The following OSBPL8 variants were observed in gnomAD, a reference collection of about 807,000 sequenced individuals.
OSBPL8 encodes oxysterol binding protein like 8, also known as oxysterol-binding protein-related protein 8.
Under a neutral mutation model 125.5 loss-of-function variants are expected in OSBPL8, and 59 were observed. The ratio of observed to expected loss-of-function variants is 0.47; its 90% CI spans 0.38 to 0.58. OSBPL8 has a LOEUF of 0.58. Ranked by LOEUF, OSBPL8 falls within the 20% of genes least tolerant of loss-of-function variation. The probability of loss-of-function intolerance (pLI) is 0.00; values close to 1 mark genes in which losing one functional copy is unlikely to be tolerated. For synonymous variants in OSBPL8, 330 were observed against 338.9 expected, an observed-to-expected ratio of 0.97 and a Z score of 0.29; for missense variants, 758 against 1,047.8, an observed-to-expected ratio of 0.72 and a Z score of 3.82.
intron 1 of OSBPL8, among the ~76,000 whole-genome samples, chr12:76,543,288 C>G (rs1950695361): frequency 6.6e-6 from 1 of 152,066 alleles, no homozygotes; most frequent in Admixed American, 6.6e-5. Context: ...TAAAAAGGTC[C>G]TAGAGGCATT....
chr12:76,394,747 C>A lies in OSBPL8; in HGVS notation c.673-18G>T. ...TTTGGACCCTTAATAACAAAATAAA[C>A]AAAATAAATGGTATAGAGTAATTAT... On this transcript the variant is annotated intron_variant, in intron 8 of 23. Transcript: ENST00000261183. 1 of 1,566,088 alleles carries A rather than the reference C, an allele frequency of 6.4e-7. No homozygotes were observed. The highest frequency in any genetic ancestry group is 8.8e-7 in the Non-Finnish European group (1 of 1,142,138).
intron 21 of OSBPL8, among the ~76,000 whole-genome samples, chr12:76,362,476 T>G (rs1463191766): frequency 6.6e-6 from 1 of 152,164 alleles, no homozygotes; most frequent in African/African-American, 2.4e-5. Flanking sequence ...TTAATAAAAT[T>G]CAACACCCTT....
chr12:76,416,190 T>C (rs1868641967), intron 4 of OSBPL8, among the ~76,000 whole-genome samples: 1 of 152,102 alleles, frequency 6.6e-6, no homozygotes, highest in Non-Finnish European at 1.5e-5. Context: ...TTTAGAAATA[T>C]ATTTTTGAAT....
At chr12:76,506,824 T>C (rs1431375619) in intron 1 of OSBPL8, among the ~76,000 whole-genome samples, 1 of 152,132 alleles carries the variant, frequency 6.6e-6, no homozygotes, top group Non-Finnish European at 1.5e-5. Context: ...GTCAAAAACA[T>C]TTAAATGATA....
intron 1 of OSBPL8, among the ~76,000 whole-genome samples, chr12:76,548,467 A>G (rs1592900901): frequency 6.6e-6 from 1 of 152,196 alleles, no homozygotes; most frequent in African/African-American, 2.4e-5. Flanking sequence ...AGGGACAGCT[A>G]TATCTCCCAT....
chr12:76,545,679 A>G (rs1229598421), intron 1 of OSBPL8, among the ~76,000 whole-genome samples: 6 of 152,216 alleles, frequency 3.9e-5, no homozygotes, highest in African/African-American at 1.4e-4. Flanking sequence ...TTGAATTCTA[A>G]GTATAAATTA....
At chr12:76,373,248 T>C in intron 18 of OSBPL8, 96 bp downstream of exon 18, 2 of 769,584 alleles carry the variant, frequency 2.6e-6, no homozygotes, top group Non-Finnish European at 2.0e-6. Flanking sequence ...AATAGTGATG[T>C]TTTCAGCAAC....
chr12:76,483,477 CTGCT>C (rs1877768076), intron 2 of OSBPL8, among the ~76,000 whole-genome samples: 1 of 147,862 alleles, frequency 6.8e-6, no homozygotes, highest in South Asian at 2.2e-4. Context: ...GGCAGGCAAA[CTGCT>C]TGAATCAGGG....
chr12:76,481,897 G>T (rs985645273), intron 2 of OSBPL8, among the ~76,000 whole-genome samples: 1 of 152,140 alleles, frequency 6.6e-6, no homozygotes, highest in East Asian at 1.9e-4. Flanking sequence ...CTTAGAATAC[G>T]ATTTAAGGCT....
At chr12:76,406,717 G>A (rs1954276414) in intron 5 of OSBPL8, among the ~76,000 whole-genome samples, 1 of 152,132 alleles carries the variant, frequency 6.6e-6, no homozygotes, top group African/African-American at 2.4e-5. Flanking sequence ...CTGGGCTCAA[G>A]TGATCCTCCC....
intron 1 of OSBPL8, among the ~76,000 whole-genome samples, chr12:76,513,837 G>T (rs563626004): frequency 9.5e-4 from 143 of 150,818 alleles, no homozygotes; most frequent in Middle Eastern, 3.4e-3. Flanking sequence ...TACATGTGAG[G>T]TGAGTCTTTT....
chr12:76,423,662 C>A (rs182594977), intron 4 of OSBPL8, among the ~76,000 whole-genome samples: 1 of 152,252 alleles, frequency 6.6e-6, no homozygotes, highest in East Asian at 1.9e-4. Context: ...CCAAAGAATT[C>A]TCTCCCAATT....
At chr12:76,418,163 G>A (rs750797802) in intron 4 of OSBPL8, among the ~76,000 whole-genome samples, 4 of 151,662 alleles carry the variant, frequency 2.6e-5, no homozygotes, top group African/African-American at 4.8e-5. Flanking sequence ...ACACCACCAC[G>A]TCCAGCTCAT....
At chr12:76,450,764 T>A in intron 4 of OSBPL8, 87 bp downstream of exon 4, 1 of 1,330,508 alleles carries the variant, frequency 7.5e-7, no homozygotes. Context: ...AAAAAAAATA[T>A]GATAGTCCCC....
In OSBPL8 at chr12:76,479,880, T is replaced by C. The variant is rs1592756221; in HGVS notation, c.42+7630A>G. Among the ~76,000 whole-genome samples, 3 of 152,144 alleles carry C rather than the reference T, an allele frequency of 2.0e-5. 1 individual carries two copies. The South Asian group carries it at 6.2e-4, about 32-fold the overall frequency. On this transcript the variant is annotated intron_variant, in intron 2 of 23. Transcript: ENST00000261183. ...ACAACAACCTACTATAAAAAGAATA[T>C]GAGAGGCCGGGCGCGGTGGCTCATG... is the stretch of plus-strand genomic sequence containing the variant.
chr12:76,363,096 G>T (rs972206525), intron 21 of OSBPL8, among the ~76,000 whole-genome samples: 3 of 152,154 alleles, frequency 2.0e-5, no homozygotes, highest in African/African-American at 4.8e-5. Flanking sequence ...CGTGAAAATG[G>T]CCATACGGCC....
At chr12:76,440,528 T>G (rs1010158054) in intron 4 of OSBPL8, among the ~76,000 whole-genome samples, 2 of 152,188 alleles carry the variant, frequency 1.3e-5, no homozygotes, top group Non-Finnish European at 2.9e-5. Flanking sequence ...CCAAACTGTT[T>G]TAAACTAAAC....
intron 4 of OSBPL8, among the ~76,000 whole-genome samples, chr12:76,437,927 C>T (rs1871672798): frequency 6.6e-6 from 1 of 152,084 alleles, no homozygotes; most frequent in Non-Finnish European, 1.5e-5. Flanking sequence ...TTTTGCTAAC[C>T]ACTTGTTATA....
chr12:76,528,893 T>C (rs149469181), intron 1 of OSBPL8, among the ~76,000 whole-genome samples: 5 of 150,650 alleles, frequency 3.3e-5, no homozygotes, highest in Non-Finnish European at 7.4e-5. Context: ...ATAGCAACTT[T>C]AAAATTTCAT....
Sources: gnomAD v4.1 joint callset for allele counts (sites outside exome capture counted in the v4.1 genomes callset) on GRCh38, gnomAD v4.1.1 for gene constraint, MANE v1.5 for transcripts, NCBI Gene and HGNC (gene_info 2026-07-23, HGNC 2026-07-21) for gene names.